Variants in GOLM1 observed in about 807,000 individuals in gnomAD.
The protein encoded by GOLM1 is golgi membrane protein 1.
A neutral mutation model predicts 50.5 loss-of-function variants in GOLM1; 31 were observed. The ratio of observed to expected loss-of-function variants is 0.61; its 90% CI spans 0.46 to 0.83. The LOEUF (loss-of-function observed/expected upper bound fraction) is 0.83. Among genes scored for constraint, GOLM1 ranks in the 40% least tolerant of loss-of-function variants. The pLI is 0.00. For synonymous variants in GOLM1, 178 were observed against 192.8 expected (o/e 0.92, Z 0.64); for missense variants, 491 against 501.3 (o/e 0.98, Z 0.20).
chr9:86,052,691 C>T (rs574028489), intron 3 of GOLM1, 100 bp from the exon 4 acceptor site: 23 of 979,006 alleles, frequency 2.3e-5, no homozygotes, highest in Non-Finnish European at 3.4e-5. Context: ...CCCAACCCAG[C>T]GCTGCTGTCA....
In GOLM1 at chr9:86,079,123, G is replaced by A; in HGVS notation, c.129+69C>T. 2.2e-6 allele frequency: 3 copies of A among 1,355,800 alleles called. No homozygotes were observed. The South Asian group carries it at 4.6e-5, about 21-fold the overall frequency. 84.0% of individuals were successfully genotyped at this position (1,355,800 alleles called of 1,614,324 possible). A position where few individuals can be genotyped will look rare whatever the true frequency, so the allele number is the denominator to read the frequency against. On this transcript the variant is annotated intron_variant, in intron 2 of 9. Transcript: ENST00000388712. ...CTGGCAATAAACAACAAACCCCTGG[G>A]ACCCCATCATAACAAAATAAACAAA...
Position 86,036,413 on chromosome 9 carries a change from C to G in GOLM1, c.692G>C (p.Ser231Thr), listed in dbSNP as rs1159516585. The G allele has an allele frequency of 3.1e-6, 5 of 1,614,062 alleles. No individual in the cohort carries two copies. The highest frequency in any genetic ancestry group is 2.7e-5 in the African/African-American group (2 of 74,920). ...PQGKGNVLGN[S>T]KSQTPAPSSE... is the part of the protein sequence containing the mutation. ...ACTGGGGGCTGGTGTCTGGGACTTGCTGTTACCAAGCACGTTTCCCTTCCC... is the reference window on the plus strand; with the variant it reads ...ACTGGGGGCTGGTGTCTGGGACTTGGTGTTACCAAGCACGTTTCCCTTCCC... Residue 231 changes from serine (S) to threonine (T), a missense_variant, in exon 7 of 10, where the codon AGC (serine) becomes ACC (threonine). By Grantham distance (58) the Ser-to-Thr change is moderately conservative. Transcript: ENST00000388712.
At chr9:86,051,956 T>C (rs994041972) in intron 4 of GOLM1, among the ~76,000 whole-genome samples, 5 of 151,988 alleles carry the variant, frequency 3.3e-5, no homozygotes, top group African/African-American at 1.2e-4. Context: ...ATTTTTAGAG[T>C]AAAAATTATT....
intron 3 of GOLM1, among the ~76,000 whole-genome samples, chr9:86,056,920 C>T (rs2118765995): frequency 6.6e-6 from 1 of 152,316 alleles, no homozygotes. Context: ...CCTGCCTCAG[C>T]CTCCTGCAGC....
At chr9:86,030,993 T>C (rs201021521) in intron 9 of GOLM1, among the ~76,000 whole-genome samples, 1 of 151,124 alleles carries the variant, frequency 6.6e-6, no homozygotes, top group East Asian at 2.0e-4. Flanking sequence ...AGGCGGATCA[T>C]GAGGTCAGGA....
intron 3 of GOLM1, among the ~76,000 whole-genome samples, chr9:86,066,839 C>T (rs913420809): frequency 2.6e-5 from 4 of 152,168 alleles, no homozygotes; most frequent in Non-Finnish European, 4.4e-5. Flanking sequence ...CAGGTGATGC[C>T]ACCCCCAAGC....
intron 3 of GOLM1, among the ~76,000 whole-genome samples, chr9:86,070,217 A>ATGC (rs1834408579): frequency 6.6e-6 from 1 of 152,142 alleles, no homozygotes; most frequent in Admixed American, 6.5e-5. Flanking sequence ...AAACAAAACA[A>ATGC]AACTGCAACT....
At chr9:86,059,432 A>C (rs953078043) in intron 3 of GOLM1, among the ~76,000 whole-genome samples, 3 of 152,202 alleles carry the variant, frequency 2.0e-5, no homozygotes, top group Admixed American at 2.0e-4. Context: ...TAAGCGAAAG[A>C]AGCCAGACAC....
intron 1 of GOLM1, among the ~76,000 whole-genome samples, chr9:86,085,453 GTTTTTTTTT>G (rs11397922): frequency 1.1e-5 from 1 of 93,182 alleles, no homozygotes; most frequent in Non-Finnish European, 2.0e-5. Context: ...CAAAGTTTTT[GTTTTTTTTT>G]TTTTTTTTGA....
At chr9:86,077,873 C>T (rs1021606588) in intron 2 of GOLM1, 31 of 403,128 alleles carry the variant, frequency 7.7e-5, no homozygotes, top group Non-Finnish European at 1.3e-4. Flanking sequence ...CACAGAATGC[C>T]TCATGCTTTA....
At chr9:86,077,766 G>A in intron 2 of GOLM1, 175 bp from the exon 3 acceptor site, 2 of 567,950 alleles carry the variant, frequency 3.5e-6, no homozygotes, top group Non-Finnish European at 6.3e-6. Context: ...GGTTTCTTCT[G>A]GAAAAAATGG....
rs1834283954 is a variant in GOLM1 at position 86,065,544 on chromosome 9, C to T, written c.309+11868G>A. ...GGCCCAGAGAGAAGACACCAGAACC[C>T]TCTGAGAATTGCATCTGGCCACAGG... On this transcript the variant is annotated intron_variant, in intron 3 of 9. Coordinates refer to ENST00000388712, the MANE Select transcript of GOLM1 (RefSeq NM_016548.4). Among the ~76,000 whole-genome samples, 4 of 152,136 alleles carry T rather than the reference C, an allele frequency of 2.6e-5. No individual in the cohort carries two copies. In the South Asian group the frequency reaches 6.2e-4, roughly 24 times the overall value.
intron 1 of GOLM1, among the ~76,000 whole-genome samples, chr9:86,085,519 G>A (rs942764097): frequency 2.4e-5 from 3 of 127,150 alleles, no homozygotes; most frequent in African/African-American, 8.8e-5. Context: ...TGGGATACAT[G>A]TGCAAAACGT....
At chr9:86,089,704 T>A (rs961214268) in intron 1 of GOLM1, among the ~76,000 whole-genome samples, 1 of 152,182 alleles carries the variant, frequency 6.6e-6, no homozygotes, top group South Asian at 2.1e-4. Flanking sequence ...GGTTAGAACA[T>A]GCTCCTTTAG....
chr9:86,074,405 C>G (rs1179509473), intron 3 of GOLM1, among the ~76,000 whole-genome samples: 1 of 152,142 alleles, frequency 6.6e-6, no homozygotes, highest in Admixed American at 6.5e-5. Context: ...TTAATGCAGA[C>G]AAAGGTAAAC....
chr9:86,083,309 G>A (rs1447024999), intron 1 of GOLM1, among the ~76,000 whole-genome samples: 1 of 152,204 alleles, frequency 6.6e-6, no homozygotes, highest in East Asian at 1.9e-4. Context: ...TAGCTGTTAA[G>A]CCATATGTTT....
chr9:86,094,910 C>A (rs1263655249), intron 1 of GOLM1, among the ~76,000 whole-genome samples: 1 of 151,946 alleles, frequency 6.6e-6, no homozygotes, highest in Non-Finnish European at 1.5e-5. Context: ...ATGGAGAAAC[C>A]CTGTCTTTAC....
In GOLM1 at chr9:86,026,315, T is replaced by C. The variant is rs778454997; in HGVS notation, c.*1502A>G. 2 of 984,750 alleles carry C rather than the reference T, an allele frequency of 2.0e-6. No individual in the cohort carries two copies. The highest frequency in any genetic ancestry group is 1.1e-4 in the East Asian group (1 of 8,820). 61.0% of individuals were successfully genotyped at this position (984,750 alleles called of 1,614,324 possible). ...AGAGTATGAAAGTACTCTAAGATTT[T>C]ATCTAAGTTGCCTTTTCTGGGTGGG... is the stretch of plus-strand genomic sequence containing the variant. On this transcript the variant is annotated 3_prime_UTR_variant, in exon 10 of 10. Coordinates refer to ENST00000388712, the MANE Select transcript of GOLM1 (RefSeq NM_016548.4).
At chr9:86,075,046 A>G (rs775953631) in intron 3 of GOLM1, among the ~76,000 whole-genome samples, 1 of 152,128 alleles carries the variant, frequency 6.6e-6, no homozygotes, top group African/African-American at 2.4e-5. Flanking sequence ...GCCCTCATAC[A>G]TGGGATTAGT....
Sources: allele counts gnomAD v4.1 joint callset (sites outside exome capture counted in the v4.1 genomes callset), GRCh38; gene constraint gnomAD v4.1.1; transcripts MANE v1.5; gene names NCBI Gene and HGNC (gene_info 2026-07-23, HGNC 2026-07-21).